CHRM3: variants seen among roughly 807,000 people sequenced by gnomAD.
CHRM3 encodes cholinergic receptor muscarinic 3.
In CHRM3, 11 loss-of-function variants were observed where a neutral mutation model predicts 41.8. That is an observed-to-expected ratio of 0.26 (90% CI 0.17 to 0.44). The LOEUF is 0.44. Ranked by LOEUF, CHRM3 falls within the 20% of genes least tolerant of loss-of-function variation. The probability of loss-of-function intolerance (pLI) is 1.00; values close to 1 mark genes in which losing one functional copy is unlikely to be tolerated. For missense variants in CHRM3, 571 were observed against 745.4 expected (o/e 0.77, Z 2.72); for synonymous variants, 297 against 301.4 (o/e 0.99, Z 0.15).
In CHRM3 at chr1:239,899,575, A is replaced by G. The variant is rs757512931; in HGVS notation, c.-19-7858A>G. 7.9e-5 allele frequency among the ~76,000 whole-genome samples: 12 copies of G among 151,756 alleles called. No homozygotes were observed. The East Asian group carries it at 1.5e-3, about 20-fold the overall frequency. On this transcript the variant is annotated intron_variant, in intron 6 of 6. Transcript: ENST00000676153. ...TAGTGTGTGTGTGTAGTGTGTGTGT[A>G]TATATATAGTAAGTTCAACATGCAA...
intron 1 of CHRM3, among the ~76,000 whole-genome samples, chr1:239,484,301 G>A (rs1447430842): frequency 6.6e-6 from 1 of 152,086 alleles, no homozygotes; most frequent in Non-Finnish European, 1.5e-5. Flanking sequence ...AGAGAGAGAG[G>A]AGGTGCCATA....
intron 5 of CHRM3, among the ~76,000 whole-genome samples, chr1:239,689,933 A>T (rs1323411829): frequency 6.6e-6 from 1 of 152,102 alleles, no homozygotes; most frequent in Admixed American, 6.6e-5. Flanking sequence ...ACATGGAGTG[A>T]GAGGAGGTAA....
Position 239,738,993 on chromosome 1 carries a change from G to A in CHRM3, c.-147+60705G>A, listed in dbSNP as rs139866323. Among the ~76,000 whole-genome samples the A allele has an allele frequency of 3.7e-3, 563 of 152,178 alleles. 2 individuals are homozygous for A. The highest frequency in any genetic ancestry group is 5.9e-3 in the Non-Finnish European group (400 of 68,012). ...TTTTGCACCTGCCTCCCCTTACATC[G>A]TCCCTACCTGTTTCCATAGATTTCA... On this transcript the variant is annotated intron_variant, in intron 5 of 6. Coordinates refer to ENST00000676153, the MANE Select transcript of CHRM3 (RefSeq NM_001375978.1).
intron 2 of CHRM3, among the ~76,000 whole-genome samples, chr1:239,507,581 A>T (rs902681758): frequency 6.6e-6 from 1 of 152,240 alleles, no homozygotes; most frequent in Non-Finnish European, 1.5e-5. Flanking sequence ...TATATTCTTG[A>T]TAATAACAGT....
At position 239,899,035 on chromosome 1, in the gene CHRM3, G is replaced by T. The variant is rs111663400; in HGVS notation, c.-19-8398G>T. ...CCTCTTCTTTTAAATATTAATAAAA[G>T]ATGTCAAAATATCCACTGCAGTGGC... On this transcript the variant is annotated intron_variant, in intron 6 of 6. Transcript: ENST00000676153. Among the ~76,000 whole-genome samples the T allele has an allele frequency of 9.2e-4, 140 of 152,020 alleles. 2 individuals are homozygous for T. The highest frequency in any genetic ancestry group is 3.2e-3 in the African/African-American group (133 of 41,452).
At chr1:239,442,140 C>T (rs563846929) in intron 1 of CHRM3, among the ~76,000 whole-genome samples, 156 of 118,766 alleles carry the variant, frequency 1.3e-3, no homozygotes, top group Non-Finnish European at 2.0e-3. Context: ...TTTAAATATA[C>T]GTTAGGTTTT....
intron 3 of CHRM3, among the ~76,000 whole-genome samples, chr1:239,564,892 T>A (rs1307134476): frequency 6.6e-6 from 1 of 152,202 alleles, no homozygotes; most frequent in African/African-American, 2.4e-5. Flanking sequence ...TGGCTTAGAA[T>A]GGCAGAAATT....
intron 4 of CHRM3, among the ~76,000 whole-genome samples, chr1:239,645,212 T>C (rs1260708353): frequency 6.6e-6 from 1 of 152,230 alleles, no homozygotes. Flanking sequence ...CGCTCAGCTA[T>C]GGCTGCCTCT....
rs1680384302 is a variant in CHRM3, at chr1:239,911,874, TG to T, written c.*2651del. The T allele has an allele frequency of 6.0e-6, 1 of 167,048 alleles. No individual in the cohort carries two copies. The highest frequency in any genetic ancestry group is 2.4e-5 in the African/African-American group (1 of 41,464). 10.3% of individuals were successfully genotyped at this position (167,048 alleles called of 1,614,324 possible). Reference sequence around the variant, plus strand: ...CAAGCAAAATAGGTTCTTTTGAATATGAATAATTTAAAAGCATAATTGAAGA... The same window carrying T: ...CAAGCAAAATAGGTTCTTTTGAATATAATAATTTAAAAGCATAATTGAAGA... On this transcript the variant is annotated 3_prime_UTR_variant, in exon 7 of 7. Coordinates refer to ENST00000676153, the MANE Select transcript of CHRM3 (RefSeq NM_001375978.1).
chr1:239,698,130 G>A (rs771696660), intron 5 of CHRM3, among the ~76,000 whole-genome samples: 6 of 152,202 alleles, frequency 3.9e-5, no homozygotes, highest in East Asian at 1.9e-4. Flanking sequence ...TGTTAAATTC[G>A]TTTTCTAAAA....
At chr1:239,533,502 G>A (rs552122561) in intron 2 of CHRM3, among the ~76,000 whole-genome samples, 7 of 151,302 alleles carry the variant, frequency 4.6e-5, no homozygotes, top group Non-Finnish European at 7.4e-5. Flanking sequence ...TTGGGAGGCC[G>A]AGATGGGTGG....
intron 2 of CHRM3, among the ~76,000 whole-genome samples, chr1:239,516,661 T>C (rs1669293075): frequency 6.6e-6 from 1 of 152,182 alleles, no homozygotes; most frequent in Non-Finnish European, 1.5e-5. Flanking sequence ...GGAAGATTAA[T>C]GCAGGGCCCC....
At chr1:239,602,246 C>T (rs1043073253) in intron 3 of CHRM3, among the ~76,000 whole-genome samples, 15 of 151,584 alleles carry the variant, frequency 9.9e-5, no homozygotes, top group East Asian at 3.9e-4. Context: ...GCCCGTCTTC[C>T]GCCTCAGCCT....
intron 2 of CHRM3, among the ~76,000 whole-genome samples, chr1:239,535,659 C>G (rs1658126022): frequency 6.6e-6 from 1 of 151,664 alleles, no homozygotes; most frequent in Non-Finnish European, 1.5e-5. Context: ...ATGGGGAAGA[C>G]TTTGTTTTTC....
intron 1 of CHRM3, among the ~76,000 whole-genome samples, chr1:239,464,493 G>A (rs1487689835): frequency 6.6e-6 from 1 of 152,032 alleles, no homozygotes; most frequent in African/African-American, 2.4e-5. Flanking sequence ...TGCCTGGAAC[G>A]CCCTCTGTTT....
intron 4 of CHRM3, among the ~76,000 whole-genome samples, chr1:239,665,041 C>T (rs1312909278): frequency 4.0e-5 from 6 of 151,660 alleles, no homozygotes; most frequent in South Asian, 4.2e-4. Context: ...ATCACACCAT[C>T]GGTCTCTGGA....
chr1:239,583,889 G>A (rs1254340857), intron 3 of CHRM3, among the ~76,000 whole-genome samples: 2 of 151,944 alleles, frequency 1.3e-5, no homozygotes, highest in Non-Finnish European at 2.9e-5. Flanking sequence ...TAAATTATGA[G>A]TTTTATCCTA....
At chr1:239,401,060 C>T (rs912231151) in intron 1 of CHRM3, among the ~76,000 whole-genome samples, 12 of 152,026 alleles carry the variant, frequency 7.9e-5, no homozygotes, top group Non-Finnish European at 1.8e-4. Context: ...AGGGTCTAGG[C>T]TTGAAAAGAA....
rs1675358538 is a variant in CHRM3, at chr1:239,859,035, A to T, written c.-20+31657A>T. ...TTGCTTCCACCTTTTGGCCATTATA[A>T]ATAAGGCTGCTATGAACATTTATGT... On this transcript the variant is annotated intron_variant, in intron 6 of 6. Coordinates refer to ENST00000676153, the MANE Select transcript of CHRM3 (RefSeq NM_001375978.1). Among the ~76,000 whole-genome samples, 2 of 152,184 alleles carry T rather than the reference A, an allele frequency of 1.3e-5. 1 individual carries two copies. The highest frequency in any genetic ancestry group is 4.1e-4 in the South Asian group (2 of 4,828).
Sources: gnomAD v4.1 joint callset for allele counts (sites outside exome capture counted in the v4.1 genomes callset) on GRCh38, gnomAD v4.1.1 for gene constraint, MANE v1.5 for transcripts, NCBI Gene and HGNC (gene_info 2026-07-23, HGNC 2026-07-21) for gene names.